Variants in PRELID2 observed in about 807,000 individuals in gnomAD.
The protein encoded by PRELID2 is PRELI domain-containing protein 2.
A neutral mutation model predicts 28.4 loss-of-function variants in PRELID2; 25 were observed. The ratio of observed to expected loss-of-function variants is 0.88; its 90% CI spans 0.64 to 1.23. The LOEUF is 1.23. PRELID2 is among the 50% of genes most tolerant of loss of function. The probability of loss-of-function intolerance (pLI) is 0.00; values close to 1 mark genes in which losing one functional copy is unlikely to be tolerated. For missense variants in PRELID2, 201 were observed against 214.4 expected (o/e 0.94, Z 0.39); for synonymous variants, 76 against 71.6 (o/e 1.06, Z -0.31).
At chr5:145,619,105 C>T (rs570367003) in intron 1 of PRELID2, among the ~76,000 whole-genome samples, 22 of 152,246 alleles carry the variant, frequency 1.4e-4, no homozygotes, top group African/African-American at 3.9e-4. Flanking sequence ...CCAGGCTACC[C>T]GCCTCCCAGC....
the PRELID2 span, among the ~76,000 whole-genome samples, chr5:145,452,326 C>G: frequency 2.0e-5 from 3 of 152,192 alleles, no homozygotes; most frequent in Admixed American, 2.0e-4. Flanking sequence ...TCTTCCTTCT[C>G]CTGTCCCCCA....
chr5:145,234,939 T>C, the PRELID2 span, among the ~76,000 whole-genome samples: 1 of 152,106 alleles, frequency 6.6e-6, no homozygotes, highest in Non-Finnish European at 1.5e-5. Flanking sequence ...TCCAGAATAT[T>C]GAGACTGGTC....
chr5:145,703,067 G>A lies in PRELID2; in HGVS notation n.70+61864C>T, dbSNP rs575453699. On this transcript the variant is annotated intron_variant and non_coding_transcript_variant, in intron 1 of 2. Transcript: ENST00000510259. The stretch of plus-strand genomic sequence containing the variant: ...AAAGCTGGGTCCAAGTTGGAAGCTA[G>A]ATTCACCATTTACTGGTCTGTGCAG... Among the ~76,000 whole-genome samples, 26 of 152,304 alleles carry A rather than the reference G, an allele frequency of 1.7e-4. 1 individual carries two copies. The highest frequency in any genetic ancestry group is 1.5e-3 in the Admixed American group (23 of 15,306).
intron 1 of PRELID2, among the ~76,000 whole-genome samples, chr5:145,478,066 A>T (rs752405234): frequency 6.6e-6 from 1 of 152,066 alleles, no homozygotes; most frequent in Non-Finnish European, 1.5e-5. Context: ...TAAATAAATA[A>T]ATTTCAAGAT....
chr5:145,439,748 C>T, the PRELID2 span, among the ~76,000 whole-genome samples: 2 of 152,058 alleles, frequency 1.3e-5, no homozygotes, highest in South Asian at 2.1e-4. Context: ...ATTTCTACTG[C>T]CCTGCTTTCT....
At chr5:145,397,459 G>A in the PRELID2 span, among the ~76,000 whole-genome samples, 1 of 151,918 alleles carries the variant, frequency 6.6e-6, no homozygotes, top group East Asian at 1.9e-4. Context: ...TCTAGGTAGG[G>A]GGAAATAAAA....
intron 1 of PRELID2, among the ~76,000 whole-genome samples, chr5:145,491,046 T>A (rs1405874738): frequency 6.6e-6 from 1 of 152,120 alleles, no homozygotes; most frequent in African/African-American, 2.4e-5. Flanking sequence ...ATGACAGCTT[T>A]TTTTTTTAAC....
chr5:145,378,423 G>C, the PRELID2 span, among the ~76,000 whole-genome samples: 1 of 152,102 alleles, frequency 6.6e-6, no homozygotes, highest in Non-Finnish European at 1.5e-5. Context: ...AGACACACCA[G>C]TGAATCATAG....
intron 1 of PRELID2, among the ~76,000 whole-genome samples, chr5:145,578,410 T>C (rs1753080268): frequency 6.6e-6 from 1 of 152,132 alleles, no homozygotes; most frequent in Non-Finnish European, 1.5e-5. Flanking sequence ...GCTGCCAGCA[T>C]TTCAGGCATG....
intron 1 of PRELID2, among the ~76,000 whole-genome samples, chr5:145,549,140 GCT>G (rs1417453605): frequency 2.6e-5 from 4 of 152,266 alleles, no homozygotes; most frequent in Admixed American, 2.6e-4. Context: ...TGCTCTCAGA[GCT>G]CTCTCTAGAG....
chr5:145,330,153 T>G, the PRELID2 span, among the ~76,000 whole-genome samples: 41,484 of 152,084 alleles, frequency 0.27, 5,790 homozygotes, highest in South Asian at 0.35. Flanking sequence ...AGCTTTTTGA[T>G]GCATTGCTGG....
chr5:145,387,936 C>CAAAAAAAAAAAAA, the PRELID2 span, among the ~76,000 whole-genome samples: 1 of 111,044 alleles, frequency 9.0e-6, no homozygotes. Context: ...AAGACAGAAC[C>CAAAAAAAAAAAAA]AAAAAAAAAA....
intron 1 of PRELID2, among the ~76,000 whole-genome samples, chr5:145,743,450 A>C (rs1415548163): frequency 2.0e-5 from 3 of 151,658 alleles, no homozygotes; most frequent in African/African-American, 7.3e-5. Context: ...AGAGAAAAGG[A>C]AACAACCATA....
At chr5:145,499,520 A>T (rs1241822708) in intron 1 of PRELID2, among the ~76,000 whole-genome samples, 5 of 152,138 alleles carry the variant, frequency 3.3e-5, no homozygotes, top group Admixed American at 1.3e-4. Flanking sequence ...AACTGACATG[A>T]CTTTGATCTG....
chr5:145,444,650 A>G, the PRELID2 span, among the ~76,000 whole-genome samples: 3 of 151,922 alleles, frequency 2.0e-5, no homozygotes, highest in Admixed American at 1.3e-4. Flanking sequence ...TTTTTGACTA[A>G]CTAAGAGAAT....
the PRELID2 span, among the ~76,000 whole-genome samples, chr5:145,274,445 C>T: frequency 1.3e-5 from 2 of 152,100 alleles, no homozygotes; most frequent in African/African-American, 2.4e-5. Flanking sequence ...TTATGGACCC[C>T]GCGGCAGCTG....
the PRELID2 span, among the ~76,000 whole-genome samples, chr5:145,232,659 C>CT: frequency 6.6e-6 from 1 of 152,088 alleles, no homozygotes; most frequent in Admixed American, 6.5e-5. Context: ...ATGGGACTAT[C>CT]TATTCCCTCC....
At chr5:145,338,226 A>T in the PRELID2 span, 3 of 152,172 alleles carry the variant, frequency 2.0e-5, no homozygotes, top group African/African-American at 7.2e-5. Flanking sequence ...ACTGTTGTGG[A>T]TGACCTTAGT....
chr5:145,375,464 G>C, the PRELID2 span, among the ~76,000 whole-genome samples: 1 of 152,098 alleles, frequency 6.6e-6, no homozygotes, highest in Non-Finnish European at 1.5e-5. Flanking sequence ...GGTGTCCAGG[G>C]GAATAGGACC....
Sources: gnomAD v4.1 joint callset for allele counts (sites outside exome capture counted in the v4.1 genomes callset) on GRCh38, gnomAD v4.1.1 for gene constraint, MANE v1.5 for transcripts, NCBI Gene and HGNC (gene_info 2026-07-23, HGNC 2026-07-21) for gene names.